SLC2A3: variants seen among roughly 807,000 people sequenced by gnomAD.
SLC2A3 encodes solute carrier family 2 member 3, also known as solute carrier family 2, facilitated glucose transporter member 3.
A neutral mutation model predicts 46.4 loss-of-function variants in SLC2A3; 21 were observed. The observed-to-expected ratio is 0.45, with a 90% CI of 0.32 to 0.65. The LOEUF (loss-of-function observed/expected upper bound fraction) is 0.65. Among genes scored for constraint, SLC2A3 ranks in the 30% least tolerant of loss-of-function variants. The pLI is 0.04. For missense variants in SLC2A3, 499 were observed against 623.3 expected (o/e 0.80, Z 2.12); for synonymous variants, 213 against 239.4 (o/e 0.89, Z 1.02).
Position 7,921,493 on chromosome 12 carries a change from C to T in SLC2A3, c.1411G>A (p.Gly471Ser), listed in dbSNP as rs141780400. ...CCGTCCTTTCCAGATCTATCTGCAC[C>T]GTGTGCCTGCCCTTCAAAGGCCCGT... ...ITRAFEGQAH[G>S]ADRSGKDGVM... The change falls in exon 10 of 10, where the codon GGT (glycine) becomes AGT (serine). Residue 471 changes from glycine to serine, a missense_variant. By Grantham distance (56) the Gly-to-Ser change is moderately conservative. Coordinates refer to ENST00000075120, the MANE Select transcript of SLC2A3 (RefSeq NM_006931.3). 39 of 1,613,802 alleles carry T rather than the reference C, an allele frequency of 2.4e-5. No individual in the cohort carries two copies. The African/African-American group carries it at 2.5e-4, about 10-fold the overall frequency.
At chr12:7,927,060 T>G (rs80214105) in intron 6 of SLC2A3, among the ~76,000 whole-genome samples, 3,675 of 152,240 alleles carry the variant, frequency 0.024, 148 homozygotes, top group African/African-American at 0.082. Context: ...TAGTCTTTTT[T>G]ATGAATATGG....
chr12:7,921,663 T>C lies in SLC2A3; in HGVS notation c.1273-32A>G, dbSNP rs368132858. The C allele has an allele frequency of 1.2e-5, 19 of 1,594,528 alleles. No individual in the cohort carries two copies. The African/African-American group carries it at 1.9e-4, about 16-fold the overall frequency. On this transcript the variant is annotated intron_variant, in intron 9 of 9. Transcript: ENST00000075120. The stretch of plus-strand genomic sequence containing the variant: ...AAAGGACAGAAAAAAGGAAGGTTGA[T>C]ATAAAAATCTGGTCATTGACAAAGT...
chr12:7,930,908 C>G (rs188022235), intron 4 of SLC2A3, among the ~76,000 whole-genome samples: 1 of 151,256 alleles, frequency 6.6e-6, no homozygotes. Context: ...GCCATTCTCC[C>G]GCCTCAGCCT....
At chr12:7,933,923 G>A (rs1470529408) in intron 1 of SLC2A3, 21 bp from the exon 2 acceptor site, 1 of 1,603,876 alleles carries the variant, frequency 6.2e-7, no homozygotes, top group Non-Finnish European at 8.5e-7. Flanking sequence ...GGAAGACAGA[G>A]GAGAGAATAG....
In SLC2A3 at chr12:7,925,881, C is replaced by T. The variant is rs1021853679; in HGVS notation, c.929G>A (p.Gly310Asp). 1.2e-6 allele frequency: 2 copies of T among 1,613,626 alleles called. No homozygotes were observed. Among genetic ancestry groups the T allele is most frequent in the African/African-American group, 2.7e-5 (2 of 74,878 alleles). The part of the protein sequence containing the change: ...GVQEPIYATI[G>D]AGVVNTIFTV... ...GAAGATAGTATTAACCACACCCGCG[C>T]CGATGGTGGCATAGATGGGCTCTTG... Residue 310 changes from glycine to aspartate, a missense_variant, in exon 7 of 10, where the codon GGC becomes GAC. Coordinates refer to ENST00000075120, the MANE Select transcript of SLC2A3 (RefSeq NM_006931.3).
At position 7,928,386 on chromosome 12, in the gene SLC2A3, A is replaced by C. The variant is rs771278325; in HGVS notation, c.861+1298T>G. 2.5e-4 allele frequency among the ~76,000 whole-genome samples: 38 copies of C among 151,348 alleles called. 1 individual carries two copies. The South Asian group carries it at 7.5e-3, about 30-fold the overall frequency. On this transcript the variant is annotated intron_variant, in intron 6 of 9. Coordinates refer to ENST00000075120, the MANE Select transcript of SLC2A3 (RefSeq NM_006931.3). ...GTACTCCAGCCTGGGCGATCGAGTG[A>C]GACTCTGTTTCAAAAAAAAAAAGAA...
intron 6 of SLC2A3, among the ~76,000 whole-genome samples, chr12:7,929,130 A>T (rs747051235): frequency 6.6e-6 from 1 of 152,248 alleles, no homozygotes; most frequent in East Asian, 1.9e-4. Flanking sequence ...TTACAAAATA[A>T]TTTAATCCCA....
In SLC2A3 at chr12:7,921,364, G is replaced by C. The variant is rs1456639083; in HGVS notation, c.*49C>G. ...CCTGATGAGGTCTCTCCCTTGTTGA[G>C]GGAGAGGTGGCTTTCCCATGCCGGG... On this transcript the variant is annotated 3_prime_UTR_variant, in exon 10 of 10. Transcript: ENST00000075120. 6.2e-7 allele frequency: 1 copy of C among 1,613,578 alleles called. No homozygotes were observed. The highest frequency in any genetic ancestry group is 1.1e-5 in the South Asian group (1 of 91,064).
chr12:7,933,578 T>C (rs752237406), intron 2 of SLC2A3: 28 of 533,428 alleles, frequency 5.2e-5, no homozygotes, highest in Non-Finnish European at 8.6e-5. Flanking sequence ...ACAGGATAGA[T>C]ACAAAGTTTG....
intron 3 of SLC2A3, among the ~76,000 whole-genome samples, 188 bp from the exon 4 acceptor site, chr12:7,931,673 T>C (rs1483882511): frequency 6.6e-6 from 1 of 151,862 alleles, no homozygotes; most frequent in African/African-American, 2.4e-5. Flanking sequence ...TGCCCGCCTG[T>C]AGTCCCAGGC....
rs113301271 is a variant in SLC2A3, at chr12:7,922,300, A to C, written c.1272+521T>G. On this transcript the variant is annotated intron_variant, in intron 9 of 9. Transcript: ENST00000075120. ...GGTTGGTCCCCAACTCCTGACCTCA[A>C]GTTATCCACCCGCCTAGGCCTCTCA... is the stretch of plus-strand genomic sequence containing the variant. 0.016 allele frequency among the ~76,000 whole-genome samples: 2,497 copies of C among 152,050 alleles called. 175 individuals are homozygous for C. In the East Asian group the frequency reaches 0.23, roughly 14 times the overall value.
At chr12:7,926,562 C>T (rs1023077736) in intron 6 of SLC2A3, among the ~76,000 whole-genome samples, 3 of 152,126 alleles carry the variant, frequency 2.0e-5, no homozygotes, top group African/African-American at 7.2e-5. Flanking sequence ...GACAGCAACT[C>T]ACTGTTGCCC....
At chr12:7,935,930 G>A (rs1565606023) in intron 1 of SLC2A3, 90 bp downstream of exon 1, 1 of 1,129,914 alleles carries the variant, frequency 8.9e-7, no homozygotes, top group East Asian at 2.3e-5. Flanking sequence ...TGACTTAGGA[G>A]AAAATAGAAC....
rs763999498 is a variant in SLC2A3 at position 7,933,885 on chromosome 12, T to C, written c.33A>G (p.Ile11Met). Residue 11 changes from isoleucine (I) to methionine (M), a missense_variant, in exon 2 of 10, where the codon ATA becomes ATG. Physicochemically the swap from Ile to Met is conservative, Grantham distance 10. Transcript: ENST00000075120. ...CGATTGTAGCAACTGTGATGGCAAA[T>C]ATCAGAGCTGGGGTGACCTGGAGGG... MGTQKVTPAL[I>M]FAITVATIGS... 5.6e-6 allele frequency: 9 copies of C among 1,613,826 alleles called. No homozygotes were observed. The highest frequency in any genetic ancestry group is 5.9e-6 in the Non-Finnish European group (7 of 1,179,922).
Position 7,933,866 on chromosome 12 carries a change from T to C in SLC2A3, c.52A>G (p.Thr18Ala). 1 of 1,614,044 alleles carries C rather than the reference T, an allele frequency of 6.2e-7. No individual in the cohort carries two copies. Among genetic ancestry groups the C allele is most frequent in the Non-Finnish European group, 8.5e-7 (1 of 1,179,972 alleles). The change falls in exon 2 of 10, where the codon ACA becomes GCA. Residue 18 changes from threonine (T) to alanine (A), a missense_variant. Thr to Ala is a moderately conservative substitution (Grantham distance 58). This residue lies in a region of SLC2A3 where 248 missense variants were observed against 284.0 expected (regional missense o/e 0.87). Transcript: ENST00000075120. ...TAGCCAAATTGGAAAGAGCCGATTG[T>C]AGCAACTGTGATGGCAAATATCAGA... is the stretch of plus-strand genomic sequence containing the variant. ...PALIFAITVA[T>A]IGSFQFGYNT...
At chr12:7,933,252 T>A in intron 2 of SLC2A3, 105 bp from the exon 3 acceptor site, 1 of 1,233,362 alleles carries the variant, frequency 8.1e-7, no homozygotes, top group East Asian at 2.4e-5. Flanking sequence ...AGGGAATAAA[T>A]AGACAGGAAT....
At chr12:7,928,976 T>TA (rs1243281869) in intron 6 of SLC2A3, among the ~76,000 whole-genome samples, 1 of 151,946 alleles carries the variant, frequency 6.6e-6, no homozygotes, top group African/African-American at 2.4e-5. Context: ...GATTCTGACA[T>TA]AACAGCCTCT....
intron 2 of SLC2A3, 160 bp downstream of exon 2, chr12:7,933,650 A>T (rs1946182459): frequency 1.3e-5 from 9 of 707,172 alleles, no homozygotes; most frequent in Non-Finnish European, 2.1e-5. Context: ...GATGGTGTTT[A>T]ACTCCTGGAC....
At position 7,933,914 on chromosome 12, in the gene SLC2A3, G is replaced by C. The variant is rs1169294297; in HGVS notation, c.16-12C>G. 3 of 1,610,032 alleles carry C rather than the reference G, an allele frequency of 1.9e-6. No homozygotes were observed. Among genetic ancestry groups the C allele is most frequent in the Admixed American group, 3.3e-5 (2 of 59,904 alleles). Reference sequence around the variant, plus strand: ...AGAGCTGGGGTGACCTGGAGGGAGGGAAGACAGAGGAGAGAATAGTCCTTA... The same window carrying C: ...AGAGCTGGGGTGACCTGGAGGGAGGCAAGACAGAGGAGAGAATAGTCCTTA... On this transcript the variant is annotated splice_polypyrimidine_tract_variant and intron_variant, in intron 1 of 9. Transcript: ENST00000075120.
Sources: allele counts gnomAD v4.1 joint callset (sites outside exome capture counted in the v4.1 genomes callset), GRCh38; gene constraint gnomAD v4.1.1; regional missense constraint gnomAD v4.1.1; transcripts MANE v1.5; gene names NCBI Gene and HGNC (gene_info 2026-07-23, HGNC 2026-07-21).